OR2L13: variants seen among roughly 807,000 people sequenced by gnomAD.
The protein encoded by OR2L13 is olfactory receptor 2L13.
OR2L13 carries 14 observed loss-of-function variants against 15.3 expected under a neutral mutation model. The ratio of observed to expected loss-of-function variants is 0.91; its 90% confidence interval spans 0.60 to 1.43. The LOEUF is 1.43. Ranked by LOEUF, OR2L13 falls within the 40% of genes most tolerant of loss-of-function variation. OR2L13 has a pLI of 0.00. For missense variants in OR2L13, 367 were observed against 387.9 expected (o/e 0.95, Z 0.45); for synonymous variants, 152 against 142.9 (o/e 1.06, Z -0.45).
At chr1:248,040,031 A>C in the OR2L13 span, 1 of 152,198 alleles carries the variant, frequency 6.6e-6, no homozygotes, top group South Asian at 2.1e-4. Flanking sequence ...ATCATTTCCC[A>C]GTCACGTCAC....
chr1:248,027,388 C>A, the OR2L13 span, among the ~76,000 whole-genome samples: 5 of 152,172 alleles, frequency 3.3e-5, no homozygotes, highest in African/African-American at 1.2e-4. Context: ...CTCGCCCTGC[C>A]TCCATTTGCC....
the OR2L13 span, chr1:248,038,761 T>A: frequency 6.2e-7 from 1 of 1,614,146 alleles, no homozygotes; most frequent in Non-Finnish European, 8.5e-7. Context: ...GCACTCTGTA[T>A]CCCATATTGC....
chr1:248,014,167 T>C, the OR2L13 span, among the ~76,000 whole-genome samples: 1 of 152,166 alleles, frequency 6.6e-6, no homozygotes, highest in African/African-American at 2.4e-5. Context: ...CTTATAATAA[T>C]CTTATTGCTG....
chr1:247,998,715 G>A, the OR2L13 span, among the ~76,000 whole-genome samples: 1 of 152,104 alleles, frequency 6.6e-6, no homozygotes, highest in Non-Finnish European at 1.5e-5. Flanking sequence ...AATAATGAAG[G>A]TAACTGCATG....
At chr1:247,968,951 A>C in the OR2L13 span, among the ~76,000 whole-genome samples, 1 of 152,228 alleles carries the variant, frequency 6.6e-6, no homozygotes, top group African/African-American at 2.4e-5. Flanking sequence ...ACTAATTTAC[A>C]CTTCCATCAA....
the OR2L13 span, chr1:248,040,774 T>A: frequency 6.6e-6 from 1 of 152,220 alleles, no homozygotes; most frequent in African/African-American, 2.4e-5. Flanking sequence ...GAGTTCAAAG[T>A]TAAATGCATA....
chr1:247,995,655 A>G, the OR2L13 span, among the ~76,000 whole-genome samples: 5 of 152,254 alleles, frequency 3.3e-5, no homozygotes, highest in African/African-American at 9.6e-5. Flanking sequence ...TATGAAGAGC[A>G]GAAACCTATC....
chr1:248,036,975 A>G, the OR2L13 span, among the ~76,000 whole-genome samples: 5 of 152,176 alleles, frequency 3.3e-5, no homozygotes, highest in African/African-American at 9.6e-5. Flanking sequence ...CAGAATATAC[A>G]TCGTATACGG....
the OR2L13 span, among the ~76,000 whole-genome samples, chr1:248,026,541 C>T: frequency 6.6e-6 from 1 of 152,158 alleles, no homozygotes; most frequent in African/African-American, 2.4e-5. Flanking sequence ...GACTGGCTTT[C>T]AGACACAAAA....
At chr1:247,973,256 T>A in the OR2L13 span, among the ~76,000 whole-genome samples, 2 of 152,024 alleles carry the variant, frequency 1.3e-5, no homozygotes, top group African/African-American at 4.8e-5. Flanking sequence ...CTGGGCAACA[T>A]AGTATTGGAA....
the OR2L13 span, chr1:247,949,168 T>G: frequency 6.2e-7 from 1 of 1,613,990 alleles, no homozygotes; most frequent in Non-Finnish European, 8.5e-7. Context: ...TTCTTCTTCT[T>G]GGCATTAGGA....
the OR2L13 span, among the ~76,000 whole-genome samples, chr1:248,031,533 G>A: frequency 6.6e-6 from 1 of 152,198 alleles, no homozygotes; most frequent in South Asian, 2.1e-4. Flanking sequence ...TGACATGCAG[G>A]GGGTGAGGAG....
chr1:248,030,036 G>T, the OR2L13 span: 1 of 152,076 alleles, frequency 6.6e-6, no homozygotes, highest in Admixed American at 6.6e-5. Flanking sequence ...AGCTAAAAAG[G>T]ACTGGATTCA....
At chr1:248,047,122 A>G in the OR2L13 span, among the ~76,000 whole-genome samples, 1 of 152,180 alleles carries the variant, frequency 6.6e-6, no homozygotes, top group Non-Finnish European at 1.5e-5. Flanking sequence ...TGGTCAATTG[A>G]AGAGACAGGG....
chr1:248,086,404 AAAAT>A, the OR2L13 span, among the ~76,000 whole-genome samples: 1 of 152,318 alleles, frequency 6.6e-6, no homozygotes, highest in East Asian at 1.9e-4. Flanking sequence ...AAATGTAACA[AAAAT>A]AAATAAACCT....
At chr1:247,954,482 A>G in the OR2L13 span, among the ~76,000 whole-genome samples, 1 of 152,160 alleles carries the variant, frequency 6.6e-6, no homozygotes, top group Non-Finnish European at 1.5e-5. Context: ...ATATTTTAAA[A>G]TACATTTATA....
chr1:248,018,814 C>T, the OR2L13 span, among the ~76,000 whole-genome samples: 5 of 152,166 alleles, frequency 3.3e-5, no homozygotes, highest in African/African-American at 9.7e-5. Flanking sequence ...TGTCTCCCTT[C>T]CCCGGTCCCC....
the OR2L13 span, among the ~76,000 whole-genome samples, chr1:247,942,433 C>T: frequency 6.6e-6 from 1 of 152,096 alleles, no homozygotes; most frequent in Non-Finnish European, 1.5e-5. Flanking sequence ...CCGAGCTTGT[C>T]TGAGAAACTG....
chr1:248,007,665 A>C, the OR2L13 span, among the ~76,000 whole-genome samples: 2 of 152,138 alleles, frequency 1.3e-5, no homozygotes, highest in Non-Finnish European at 2.9e-5. Flanking sequence ...TTTTCTTTCC[A>C]TCCAAATGTT....
Sources: allele counts gnomAD v4.1 joint callset (sites outside exome capture counted in the v4.1 genomes callset), GRCh38; gene constraint gnomAD v4.1.1; transcripts MANE v1.5; gene names NCBI Gene and HGNC (gene_info 2026-07-23, HGNC 2026-07-21).